DLEC1: variants seen among roughly 807,000 people sequenced by gnomAD.
The protein encoded by DLEC1 is deleted in lung and esophageal cancer protein 1.
A neutral mutation model predicts 198.1 loss-of-function variants in DLEC1; 146 were observed. The observed-to-expected ratio is 0.74, with a 90% CI of 0.64 to 0.85. The LOEUF (loss-of-function observed/expected upper bound fraction) is 0.85, where lower values mean the gene tolerates loss of function less well. DLEC1 is among the 40% of genes least tolerant of loss of function. The pLI is 0.00. For synonymous variants in DLEC1, 897 were observed against 866.8 expected, an observed-to-expected ratio of 1.03 and a Z score of -0.61; for missense variants, 2,233 against 2,220.0, an observed-to-expected ratio of 1.01 and a Z score of -0.12.
chr3:38,108,286 CTG>C (rs1325234039), intron 20 of DLEC1, 117 bp from the exon 21 acceptor site: 8 of 803,230 alleles, frequency 1.0e-5, no homozygotes, highest in Non-Finnish European at 2.0e-6. Flanking sequence ...GTCGGTTTTG[CTG>C]TGGGCCCCAG....
rs1466721980 is a variant in DLEC1, at chr3:38,120,550, G to A, written c.4807G>A (p.Glu1603Lys). Residue 1603 changes from glutamate (E) to lysine (K), a missense_variant, in exon 34 of 37, where the codon GAG becomes AAG. Coordinates refer to ENST00000308059, the MANE Select transcript of DLEC1 (RefSeq NM_007335.4). ...GGACATTCAGCAGAGTGCGAGTGGA[G>A]AGAGAGAGATGGTGTTTACTCAGAA... is the stretch of plus-strand genomic sequence containing the variant. Reference protein sequence around the residue: ...GVDIQQSASGEREMVFTQNLL... With the variant: ...GVDIQQSASGKREMVFTQNLL... 6.2e-7 allele frequency: 1 copy of A among 1,614,170 alleles called. No individual in the cohort carries two copies. Among genetic ancestry groups the A allele is most frequent in the Admixed American group, 1.7e-5 (1 of 60,026 alleles).
At chr3:38,108,331 C>G (rs1699676379) in intron 20 of DLEC1, 74 bp from the exon 21 acceptor site, 2 of 1,267,752 alleles carry the variant, frequency 1.6e-6, no homozygotes, top group Admixed American at 3.7e-5. Context: ...TGCAGCAGTG[C>G]TGAGCACTCT....
intron 2 of DLEC1, among the ~76,000 whole-genome samples, chr3:38,047,168 C>T (rs1700921340): frequency 6.6e-6 from 1 of 152,204 alleles, no homozygotes; most frequent in South Asian, 2.1e-4. Flanking sequence ...TCAGATTACA[C>T]CAATATCTTG....
intron 2 of DLEC1, among the ~76,000 whole-genome samples, chr3:38,056,246 G>A (rs565287938): frequency 8.2e-5 from 12 of 145,780 alleles, no homozygotes; most frequent in African/African-American, 3.1e-4. Context: ...CTGGGTGATA[G>A]AATGAGACCC....
chr3:38,050,809 T>A (rs962427812), intron 2 of DLEC1, among the ~76,000 whole-genome samples: 1 of 152,222 alleles, frequency 6.6e-6, no homozygotes, highest in Non-Finnish European at 1.5e-5. Context: ...TATACATAGA[T>A]TAGTTTCTGT....
chr3:38,120,201 C>T (rs550699323), intron 33 of DLEC1, among the ~76,000 whole-genome samples: 13 of 152,364 alleles, frequency 8.5e-5, no homozygotes, highest in Non-Finnish European at 1.6e-4. Context: ...GGGCAACTTG[C>T]TCATGTCCCT....
intron 1 of DLEC1, among the ~76,000 whole-genome samples, chr3:38,044,132 A>G (rs1700778031): frequency 6.6e-6 from 1 of 152,100 alleles, no homozygotes. Flanking sequence ...CTGTAATCCC[A>G]GCTACTTGGA....
intron 2 of DLEC1, among the ~76,000 whole-genome samples, chr3:38,058,039 G>C (rs909064746): frequency 6.6e-6 from 1 of 151,964 alleles, no homozygotes; most frequent in Non-Finnish European, 1.5e-5. Context: ...TCCTGACCTC[G>C]TGATCCGCCT....
At chr3:38,074,952 G>T (rs1338972990) in intron 6 of DLEC1, among the ~76,000 whole-genome samples, 2 of 152,186 alleles carry the variant, frequency 1.3e-5, no homozygotes, top group Admixed American at 6.5e-5. Flanking sequence ...AGAGGAAATT[G>T]TTGGGCGGGT....
chr3:38,055,277 G>A (rs943955720), intron 2 of DLEC1, among the ~76,000 whole-genome samples: 1 of 152,182 alleles, frequency 6.6e-6, no homozygotes, highest in East Asian at 1.9e-4. Flanking sequence ...ATGAAAGCCT[G>A]AATACACAGA....
At chr3:38,080,809 T>C (rs1290555864) in intron 6 of DLEC1, among the ~76,000 whole-genome samples, 1 of 147,946 alleles carries the variant, frequency 6.8e-6, no homozygotes, top group Non-Finnish European at 1.5e-5. Flanking sequence ...GTTCTTTTTT[T>C]TTTTTTTTTT....
At chr3:38,045,076 C>T (rs1700821395) in intron 1 of DLEC1, among the ~76,000 whole-genome samples, 1 of 152,316 alleles carries the variant, frequency 6.6e-6, no homozygotes, top group East Asian at 1.9e-4. Context: ...GGTCTTTATA[C>T]CCCTGCCTCT....
intron 7 of DLEC1, among the ~76,000 whole-genome samples, chr3:38,084,563 GGTA>G (rs1358504058): frequency 1.5e-3 from 88 of 58,774 alleles, no homozygotes; most frequent in African/African-American, 4.3e-3. Context: ...TAGTAGTAGT[GGTA>G]GTAGTAGTAG....
chr3:38,076,889 G>T lies in DLEC1; in HGVS notation c.1174-7269G>T, dbSNP rs539782871. 1.0e-3 allele frequency among the ~76,000 whole-genome samples: 158 copies of T among 152,346 alleles called. 1 individual carries two copies. In the Middle Eastern group the frequency reaches 0.02, roughly 20 times the overall value. ...GGATTAGGGGCAGCGTGGGAACCTA[G>T]AGTGGGAGAGATTAAGCTGAAGGAA... On this transcript the variant is annotated intron_variant, in intron 6 of 36. Transcript: ENST00000308059.
At position 38,122,511 on chromosome 3, in the gene DLEC1, C is replaced by A. The variant is rs146596020; in HGVS notation, c.*99C>A. On this transcript the variant is annotated 3_prime_UTR_variant, in exon 37 of 37. Coordinates refer to ENST00000308059, the MANE Select transcript of DLEC1 (RefSeq NM_007335.4). ...CAGCACAAAGACACAGACTTGGGGACCTGGGGACCTCTGGGCAGCTCCTGG... is the reference window on the plus strand; with the variant it reads ...CAGCACAAAGACACAGACTTGGGGAACTGGGGACCTCTGGGCAGCTCCTGG... 7.6e-5 allele frequency: 123 copies of A among 1,612,412 alleles called. 1 individual carries two copies. The Middle Eastern group carries it at 1.6e-3, about 22-fold the overall frequency.
chr3:38,122,273 C>T lies in DLEC1; in HGVS notation c.5145-16C>T, dbSNP rs577658472. The T allele has an allele frequency of 1.2e-6, 2 of 1,608,360 alleles. No homozygotes were observed. Among genetic ancestry groups the T allele is most frequent in the East Asian group, 2.2e-5 (1 of 44,776 alleles). The stretch of plus-strand genomic sequence containing the variant: ...CCAGGTGCCTCCTAACCTCAGCCCC[C>T]ACATGCTCCCCACAGGAGTAGTGAG... On this transcript the variant is annotated splice_polypyrimidine_tract_variant and intron_variant, in intron 36 of 36. Coordinates refer to ENST00000308059, the MANE Select transcript of DLEC1 (RefSeq NM_007335.4).
intron 6 of DLEC1, among the ~76,000 whole-genome samples, chr3:38,066,943 C>T (rs563815065): frequency 8.5e-5 from 13 of 152,204 alleles, no homozygotes; most frequent in Non-Finnish European, 1.8e-4. Context: ...AGCTGGCAAA[C>T]ACCCAGAGGA....
rs1360654393 is a variant in DLEC1, at chr3:38,121,888, G to A, written c.5020+107G>A. On this transcript the variant is annotated intron_variant, in intron 35 of 36. Transcript: ENST00000308059. ...CGCCGTCCCTGCATGCTGGCTCCCA[G>A]GGCAGGCACCACTTGGAATTTCTGC... The A allele has an allele frequency of 3.3e-6, 5 of 1,519,020 alleles. No homozygotes were observed. The Admixed American group carries it at 1.0e-4, about 31-fold the overall frequency. The allele number at this position is 1,519,020 out of a possible 1,614,324, so 94.1% of individuals were successfully genotyped here.
In DLEC1 at chr3:38,097,896, T is replaced by A; in HGVS notation, c.2718T>A (p.Pro906=). The change falls in exon 18 of 37, where the codon CCT becomes CCA. Residue 906 remains proline (P), a synonymous_variant. Transcript: ENST00000308059. ...GCCCAGTCTCCCTCCAGGAAAGGCC[T>A]GAGGATGTAAGTCAGGCACTGCTGG... ...KESPVSLQER[P]EDVSPFDIEP... The A allele has an allele frequency of 6.2e-7, 1 of 1,614,200 alleles. No individual in the cohort carries two copies. The highest frequency in any genetic ancestry group is 8.5e-7 in the Non-Finnish European group (1 of 1,180,020).
Sources: gnomAD v4.1 joint callset for allele counts (sites outside exome capture counted in the v4.1 genomes callset) on GRCh38, gnomAD v4.1.1 for gene constraint, MANE v1.5 for transcripts, NCBI Gene and HGNC (gene_info 2026-07-23, HGNC 2026-07-21) for gene names.